Variants in PAK2 observed in about 807,000 individuals in gnomAD.
The protein encoded by PAK2 is p21 (RAC1) activated kinase 2.
In PAK2, 21 loss-of-function variants were observed where a neutral mutation model predicts 65.9. The ratio of observed to expected loss-of-function variants is 0.32; its 90% CI spans 0.23 to 0.46. PAK2 has a LOEUF of 0.46. PAK2 is among the 20% of genes least tolerant of loss of function. The pLI is 1.00. For missense variants in PAK2, 324 were observed against 642.6 expected (o/e 0.50, Z 5.36); for synonymous variants, 204 against 219.7 (o/e 0.93, Z 0.63).
intron 13 of PAK2, among the ~76,000 whole-genome samples, chr3:196,821,843 C>T (rs1344280278): frequency 6.6e-6 from 1 of 152,130 alleles, no homozygotes; most frequent in African/African-American, 2.4e-5. Flanking sequence ...CTGCTGGGTA[C>T]AGAGCCAAGA....
At chr3:196,740,529 C>G (rs1713155031) in intron 1 of PAK2, among the ~76,000 whole-genome samples, 1 of 152,196 alleles carries the variant, frequency 6.6e-6, no homozygotes, top group Non-Finnish European at 1.5e-5. Context: ...GGACCAGACT[C>G]TCCGGTTTTG....
chr3:196,826,348 T>C (rs1030029237), intron 13 of PAK2, among the ~76,000 whole-genome samples: 12 of 151,952 alleles, frequency 7.9e-5, no homozygotes, highest in Middle Eastern at 3.4e-3. Flanking sequence ...ATTTTTTGTA[T>C]TTTTTAGTAG....
intron 2 of PAK2, among the ~76,000 whole-genome samples, chr3:196,801,315 G>A (rs141041809): frequency 6.6e-6 from 1 of 152,234 alleles, no homozygotes; most frequent in Non-Finnish European, 1.5e-5. Flanking sequence ...GCTGGTGCCC[G>A]AAGGGGGTGT....
At chr3:196,801,448 T>G (rs1361499223) in intron 2 of PAK2, among the ~76,000 whole-genome samples, 19 of 152,202 alleles carry the variant, frequency 1.2e-4, no homozygotes, top group Non-Finnish European at 2.4e-4. Flanking sequence ...TTTACTAGTT[T>G]CCTATCAGCC....
chr3:196,777,770 G>T (rs956961321), intron 1 of PAK2, among the ~76,000 whole-genome samples: 1 of 152,144 alleles, frequency 6.6e-6, no homozygotes, highest in African/African-American at 2.4e-5. Flanking sequence ...GACTCAGGTC[G>T]TCTTTTATTT....
chr3:196,749,283 A>G (rs1713490869), intron 1 of PAK2, among the ~76,000 whole-genome samples: 1 of 152,104 alleles, frequency 6.6e-6, no homozygotes, highest in Non-Finnish European at 1.5e-5. Flanking sequence ...TTGCTGGGTC[A>G]TATGATAATT....
intron 13 of PAK2, among the ~76,000 whole-genome samples, chr3:196,826,084 C>T (rs994161508): frequency 6.6e-6 from 1 of 151,988 alleles, no homozygotes; most frequent in African/African-American, 2.4e-5. Context: ...GCTCCTGAGC[C>T]CAGGCAATCC....
chr3:196,810,534 C>T, intron 7 of PAK2, 56 bp from the exon 8 acceptor site: 1 of 880,740 alleles, frequency 1.1e-6, no homozygotes, highest in Non-Finnish European at 1.9e-6. Context: ...AATAATATCA[C>T]AATCAATTTA....
intron 13 of PAK2, among the ~76,000 whole-genome samples, chr3:196,826,668 T>TC (rs1711887961): frequency 1.3e-5 from 2 of 152,134 alleles, no homozygotes; most frequent in South Asian, 2.1e-4. Flanking sequence ...ACACCTGCAA[T>TC]CCAGCACTTT....
At chr3:196,778,805 T>G (rs553801522) in intron 1 of PAK2, among the ~76,000 whole-genome samples, 24 of 152,334 alleles carry the variant, frequency 1.6e-4, no homozygotes, top group African/African-American at 5.8e-4. Flanking sequence ...AGGAATGTAG[T>G]GGTCAGGAGT....
chr3:196,802,045 G>A lies in PAK2; in HGVS notation c.288+18G>A, dbSNP rs1366615799. The A allele has an allele frequency of 6.3e-6, 8 of 1,266,978 alleles. No individual in the cohort carries two copies. The highest frequency in any genetic ancestry group is 3.5e-5 in the Admixed American group (2 of 57,510). The allele number at this position is 1,266,978 out of a possible 1,614,324, so 78.5% of individuals were successfully genotyped here. A position where few individuals can be genotyped will look rare whatever the true frequency, so the allele number is the denominator to read the frequency against. ...AATTCACTGTAAGTTAACCTAGTTC[G>A]GGCCCATTTATAACGTTTAAAATAG... On this transcript the variant is annotated intron_variant, in intron 3 of 14. Coordinates refer to ENST00000327134, the MANE Select transcript of PAK2 (RefSeq NM_002577.4).
chr3:196,749,160 T>C (rs766668939), intron 1 of PAK2, among the ~76,000 whole-genome samples: 12 of 152,046 alleles, frequency 7.9e-5, no homozygotes, highest in Non-Finnish European at 7.4e-5. Flanking sequence ...AGTAGACACT[T>C]GGATTGCTTC....
At chr3:196,806,383 A>G (rs1294697837) in intron 5 of PAK2, among the ~76,000 whole-genome samples, 196 bp from the exon 6 acceptor site, 1 of 152,136 alleles carries the variant, frequency 6.6e-6, no homozygotes, top group African/African-American at 2.4e-5. Context: ...TATTTCATAA[A>G]CTTTTTCATG....
At chr3:196,802,404 A>G (rs1009456985) in intron 3 of PAK2, among the ~76,000 whole-genome samples, 3 of 152,200 alleles carry the variant, frequency 2.0e-5, no homozygotes, top group Non-Finnish European at 4.4e-5. Context: ...TCCGTCTCAA[A>G]AAAAGGGAAA....
chr3:196,762,999 G>C (rs1714036566), intron 1 of PAK2, among the ~76,000 whole-genome samples: 1 of 152,080 alleles, frequency 6.6e-6, no homozygotes, highest in Admixed American at 6.6e-5. Context: ...TAAAAAAATA[G>C]AGCTCTAAAG....
chr3:196,817,965 C>G (rs991370725), intron 11 of PAK2, 92 bp from the exon 12 acceptor site: 2 of 544,580 alleles, frequency 3.7e-6, no homozygotes, highest in East Asian at 3.0e-5. Context: ...CTGCTGGGCA[C>G]TGGAAGCAAT....
intron 12 of PAK2, among the ~76,000 whole-genome samples, chr3:196,818,635 GGAT>G (rs1711555963): frequency 6.6e-6 from 1 of 152,086 alleles, no homozygotes; most frequent in Non-Finnish European, 1.5e-5. Context: ...CAAAGTGCTG[GGAT>G]TACAGGCGTG....
chr3:196,810,550 A>G lies in PAK2; in HGVS notation c.710-40A>G, dbSNP rs1715741432. On this transcript the variant is annotated intron_variant, in intron 7 of 14. Transcript: ENST00000327134. ...ATAATATCACAATCAATTTACACTT[A>G]AAATGCTTGACTGAGCTTCCAGCTT... is the stretch of plus-strand genomic sequence containing the variant. 9.0e-6 allele frequency: 10 copies of G among 1,106,314 alleles called. No homozygotes were observed. In the East Asian group the frequency reaches 2.4e-4, roughly 26 times the overall value. The allele number at this position is 1,106,314 out of a possible 1,614,324, so 68.5% of individuals were successfully genotyped here.
chr3:196,765,706 A>C (rs1340946793), intron 1 of PAK2, among the ~76,000 whole-genome samples: 1 of 152,146 alleles, frequency 6.6e-6, no homozygotes, highest in East Asian at 1.9e-4. Flanking sequence ...TTACTCCATT[A>C]TATTGGTGGT....
Sources: gnomAD v4.1 joint callset for allele counts (sites outside exome capture counted in the v4.1 genomes callset) on GRCh38, gnomAD v4.1.1 for gene constraint, MANE v1.5 for transcripts, NCBI Gene and HGNC (gene_info 2026-07-23, HGNC 2026-07-21) for gene names.